NKAIN3: variants seen among roughly 807,000 people sequenced by gnomAD.
NKAIN3 encodes the protein sodium/potassium-transporting ATPase subunit beta-1-interacting protein 3.
In NKAIN3, 25 loss-of-function variants were observed where a neutral mutation model predicts 30.2. The observed-to-expected ratio is 0.83, with a 90% CI of 0.60 to 1.16. The LOEUF is 1.16. Among genes scored for constraint, NKAIN3 ranks in the 50% most tolerant of loss-of-function variants. The pLI is 0.00. For missense variants in NKAIN3, 225 were observed against 254.1 expected (o/e 0.89, Z 0.78); for synonymous variants, 91 against 89.6 (o/e 1.02, Z -0.09).
chr8:62,349,508 T>G (rs1359505173), intron 1 of NKAIN3, among the ~76,000 whole-genome samples: 1 of 152,084 alleles, frequency 6.6e-6, no homozygotes, highest in Non-Finnish European at 1.5e-5. Flanking sequence ...AAATAGAAGG[T>G]TTAGGTAAAG....
chr8:62,957,984 C>G (rs1454537077), intron 6 of NKAIN3, among the ~76,000 whole-genome samples: 1 of 152,136 alleles, frequency 6.6e-6, no homozygotes, highest in Non-Finnish European at 1.5e-5. Flanking sequence ...TGGGAAATCT[C>G]TGTACCTTCC....
chr8:62,619,271 A>G lies in NKAIN3; in HGVS notation c.273+29477A>G, dbSNP rs185668219. Among the ~76,000 whole-genome samples the G allele has an allele frequency of 3.2e-3, 489 of 152,312 alleles. 2 individuals carry two copies. Among genetic ancestry groups the G allele is most frequent in the African/African-American group, 0.01 (423 of 41,576 alleles). ...GGCCTCTTCTGTTTTGAAATTCAGG[A>G]AAATGTGACCAGCATTTAATATCAA... On this transcript the variant is annotated intron_variant, in intron 3 of 6. Coordinates refer to ENST00000623646, the MANE Select transcript of NKAIN3 (RefSeq NM_001304533.3).
intron 1 of NKAIN3, among the ~76,000 whole-genome samples, chr8:62,404,021 G>T (rs1803975895): frequency 1.3e-5 from 2 of 152,264 alleles, no homozygotes; most frequent in Non-Finnish European, 2.9e-5. Context: ...TGTGAGACAT[G>T]AAGTCAAAGG....
intron 4 of NKAIN3, among the ~76,000 whole-genome samples, chr8:62,805,545 A>G (rs1282188219): frequency 6.6e-6 from 1 of 152,200 alleles, no homozygotes; most frequent in East Asian, 1.9e-4. Context: ...AAAACAAGAA[A>G]TGGGGAAAGG....
intron 5 of NKAIN3, among the ~76,000 whole-genome samples, chr8:62,942,898 A>C (rs948792941): frequency 1.1e-4 from 16 of 152,166 alleles, no homozygotes; most frequent in Non-Finnish European, 2.4e-4. Context: ...GATGAATCAA[A>C]GAATTAAATC....
chr8:62,457,978 C>G (rs915538718), intron 1 of NKAIN3, among the ~76,000 whole-genome samples: 1 of 152,126 alleles, frequency 6.6e-6, no homozygotes, highest in African/African-American at 2.4e-5. Context: ...TTTTCTGTCT[C>G]TTTTATTTTG....
intron 1 of NKAIN3, among the ~76,000 whole-genome samples, chr8:62,436,704 A>G (rs990251850): frequency 6.6e-6 from 1 of 152,192 alleles, no homozygotes; most frequent in Non-Finnish European, 1.5e-5. Context: ...ATTTTTTAAA[A>G]AATAATGATG....
chr8:62,716,952 CA>C (rs1422148591), intron 3 of NKAIN3, among the ~76,000 whole-genome samples: 3 of 152,034 alleles, frequency 2.0e-5, no homozygotes, highest in African/African-American at 7.2e-5. Context: ...AAAACCCAAC[CA>C]AAATTTACCT....
intron 1 of NKAIN3, among the ~76,000 whole-genome samples, chr8:62,530,976 C>T (rs1431345121): frequency 6.6e-6 from 1 of 152,080 alleles, no homozygotes; most frequent in African/African-American, 2.4e-5. Context: ...TGCTTCAACT[C>T]ACTCCCTATG....
intron 3 of NKAIN3, among the ~76,000 whole-genome samples, chr8:62,704,517 A>G (rs184858381): frequency 5.3e-5 from 8 of 152,242 alleles, no homozygotes; most frequent in Admixed American, 3.3e-4. Context: ...ACGTCTAACA[A>G]TTCTTAGTTG....
rs567653718 is a variant in NKAIN3, at chr8:62,733,282, T to C, written c.274-13650T>C. ...AGGCATTATTTTTGTCTCATATGAA[T>C]AATATTTATGGGAATTTGCCTATCT... On this transcript the variant is annotated intron_variant, in intron 3 of 6. Transcript: ENST00000623646. Among the ~76,000 whole-genome samples the C allele has an allele frequency of 1.8e-4, 28 of 152,316 alleles. 1 individual carries two copies. The South Asian group carries it at 2.5e-3, about 14-fold the overall frequency.
chr8:62,316,843 G>T (rs1453166860), intron 1 of NKAIN3, among the ~76,000 whole-genome samples: 3 of 152,048 alleles, frequency 2.0e-5, no homozygotes, highest in Non-Finnish European at 4.4e-5. Flanking sequence ...AGATCCTGAG[G>T]AATCGCCACA....
chr8:62,327,131 TG>T (rs1244725827), intron 1 of NKAIN3, among the ~76,000 whole-genome samples: 1 of 152,062 alleles, frequency 6.6e-6, no homozygotes, highest in African/African-American at 2.4e-5. Context: ...GGAGAAATGT[TG>T]TTTTAAGTCC....
At chr8:62,326,143 A>C in intron 1 of NKAIN3, among the ~76,000 whole-genome samples, 1 of 151,946 alleles carries the variant, frequency 6.6e-6, no homozygotes, top group East Asian at 1.9e-4. Flanking sequence ...TGGCTTTGGA[A>C]AGAAGAAACA....
At position 62,924,370 on chromosome 8, in the gene NKAIN3, CTG is replaced by C. The variant is rs573291686; in HGVS notation, c.532+5859_532+5860del. Among the ~76,000 whole-genome samples the C allele has an allele frequency of 4.7e-4, 71 of 152,330 alleles. 1 individual carries two copies. In the South Asian group the frequency reaches 8.9e-3, roughly 19 times the overall value. On this transcript the variant is annotated intron_variant, in intron 5 of 6. Transcript: ENST00000623646. ...TTTTCCTTGGCAACATTTAACACAA[CTG>C]TAATTTTTTAAAGTCATATTATTCA... is the stretch of plus-strand genomic sequence containing the variant.
chr8:62,988,640 C>G (rs2130931259), downstream of NKAIN3, among the ~76,000 whole-genome samples: 2 of 152,370 alleles, frequency 1.3e-5, no homozygotes, highest in Admixed American at 1.3e-4. Context: ...ATGTACACAG[C>G]AGGTGGGCTT....
At chr8:62,660,977 C>T (rs1262473314) in intron 3 of NKAIN3, among the ~76,000 whole-genome samples, 1 of 152,224 alleles carries the variant, frequency 6.6e-6, no homozygotes, top group African/African-American at 2.4e-5. Flanking sequence ...TGTATAGAAT[C>T]CACTGCAGAA....
chr8:62,698,847 C>T (rs1814245096), intron 3 of NKAIN3, among the ~76,000 whole-genome samples: 1 of 152,104 alleles, frequency 6.6e-6, no homozygotes, highest in African/African-American at 2.4e-5. Flanking sequence ...ACGCAACAAT[C>T]CACTAGAAAC....
intron 4 of NKAIN3, among the ~76,000 whole-genome samples, chr8:62,843,402 T>G (rs1309769564): frequency 6.6e-6 from 1 of 152,010 alleles, no homozygotes; most frequent in Non-Finnish European, 1.5e-5. Flanking sequence ...TGTGGTGCTA[T>G]GTCAACTCAC....
Sources: gnomAD v4.1 joint callset for allele counts (sites outside exome capture counted in the v4.1 genomes callset) on GRCh38, gnomAD v4.1.1 for gene constraint, MANE v1.5 for transcripts, NCBI Gene and HGNC (gene_info 2026-07-23, HGNC 2026-07-21) for gene names.